Variants in RUNX1T1 observed in about 807,000 individuals in gnomAD.
RUNX1T1 encodes the protein protein CBFA2T1.
In RUNX1T1, 4 loss-of-function variants were observed where a neutral mutation model predicts 62.8. The observed-to-expected ratio is 0.06, with a 90% CI of 0.03 to 0.15. RUNX1T1 has a LOEUF of 0.15. RUNX1T1 is among the 10% of genes least tolerant of loss of function. RUNX1T1 has a pLI of 1.00. For synonymous variants in RUNX1T1, 291 were observed against 286.0 expected (o/e 1.02, Z -0.18); for missense variants, 508 against 754.3 (o/e 0.67, Z 3.82).
At chr8:92,095,012 C>T (rs1302948695) in intron 1 of RUNX1T1, 2 of 1,528,284 alleles carry the variant, frequency 1.3e-6, no homozygotes, top group East Asian at 4.9e-5. Flanking sequence ...AAGATAAGGC[C>T]CTCCGGTATT....
At chr8:92,018,018 A>G (rs1168802214) in intron 1 of RUNX1T1, among the ~76,000 whole-genome samples, 1 of 152,218 alleles carries the variant, frequency 6.6e-6, no homozygotes, top group Non-Finnish European at 1.5e-5. Flanking sequence ...AAAGCATGAA[A>G]CCAATACTCC....
chr8:91,968,470 G>A (rs768287372), intron 10 of RUNX1T1, among the ~76,000 whole-genome samples: 31 of 152,210 alleles, frequency 2.0e-4, no homozygotes, highest in Non-Finnish European at 3.8e-4. Context: ...AATACTTAAA[G>A]CACAAGGCAA....
At chr8:92,027,130 A>G (rs903449735) in intron 1 of RUNX1T1, among the ~76,000 whole-genome samples, 6 of 92,478 alleles carry the variant, frequency 6.5e-5, no homozygotes, top group African/African-American at 1.3e-4. Context: ...AAAAAAAAAA[A>G]AAAAGAAAAA....
chr8:91,963,569 T>C (rs1287578957), intron 10 of RUNX1T1, among the ~76,000 whole-genome samples: 2 of 152,194 alleles, frequency 1.3e-5, no homozygotes, highest in Admixed American at 6.5e-5. Context: ...GCCTGATCAG[T>C]GGCACTCAGC....
At position 92,048,636 on chromosome 8, in the gene RUNX1T1, A is replaced by C. The variant is rs150815314; in HGVS notation, c.7+13910T>G. Reference sequence around the variant, plus strand: ...AGACAGACAGAACCATATATTTGACACTCAACCTGGTCTTTGGAGGGTGAG... The same window carrying C: ...AGACAGACAGAACCATATATTTGACCCTCAACCTGGTCTTTGGAGGGTGAG... On this transcript the variant is annotated intron_variant, in intron 1 of 10. Coordinates refer to ENST00000396218, the Ensembl canonical transcript of RUNX1T1. Among the ~76,000 whole-genome samples the C allele has an allele frequency of 8.2e-3, 1,249 of 151,974 alleles. 20 individuals carry two copies. The highest frequency in any genetic ancestry group is 0.028 in the African/African-American group (1,176 of 41,436).
chr8:91,958,187 G>A (rs1422428993), downstream of RUNX1T1: 1 of 187,972 alleles, frequency 5.3e-6, no homozygotes, highest in Non-Finnish European at 1.1e-5. Context: ...TCCCAGCCTT[G>A]TAAACTTTGG....
chr8:92,061,117 G>A (rs1044791994), intron 1 of RUNX1T1, among the ~76,000 whole-genome samples: 1 of 152,096 alleles, frequency 6.6e-6, no homozygotes, highest in Non-Finnish European at 1.5e-5. Flanking sequence ...AAGTAGCAAG[G>A]GTCCTAACTA....
At chr8:92,001,708 C>G (rs1207964804) in intron 5 of RUNX1T1, among the ~76,000 whole-genome samples, 10 of 152,060 alleles carry the variant, frequency 6.6e-5, no homozygotes, top group Admixed American at 6.6e-4. Flanking sequence ...ATTTCTTAAG[C>G]AAGAAAAATC....
In RUNX1T1 at chr8:91,970,632, A is replaced by C. The variant is rs747494441; in HGVS notation, c.1458+26T>G. On this transcript the variant is annotated intron_variant, in intron 10 of 10. Transcript: ENST00000396218. ...CTAATGAATGAAAACTATCTTGTTT[A>C]TTTGGAGCTTCCCAAGATGCCTCAC... 11 of 1,564,760 alleles carry C rather than the reference A, an allele frequency of 7.0e-6. No homozygotes were observed. The South Asian group carries it at 1.2e-4, about 17-fold the overall frequency.
At chr8:91,991,928 T>C (rs753143479) in intron 5 of RUNX1T1, 39 bp from the exon 7 acceptor site, 8 of 1,609,912 alleles carry the variant, frequency 5.0e-6, no homozygotes, top group Non-Finnish European at 3.4e-6. Flanking sequence ...TCATCATCTA[T>C]TCAGAAACCA....
At chr8:91,986,208 C>T (rs377594753) in exon 8 of RUNX1T1, 181 of 1,613,850 alleles carry the variant, frequency 1.1e-4, no homozygotes, top group Middle Eastern at 1.6e-4. Flanking sequence ...AAGTCCTCGG[C>T]GTCACTGTAC....
At chr8:92,017,583 A>G (rs1449406886) in intron 1 of RUNX1T1, 3 of 1,417,086 alleles carry the variant, frequency 2.1e-6, no homozygotes, top group Non-Finnish European at 2.8e-6. Context: ...ACTAGGTTAT[A>G]TTATATCCTA....
At chr8:92,014,924 GT>G in intron 2 of RUNX1T1, 104 bp from the exon 4 acceptor site, 6 of 1,171,866 alleles carry the variant, frequency 5.1e-6, no homozygotes, top group Non-Finnish European at 7.1e-6. Flanking sequence ...AGTTTTATAA[GT>G]TTTTAAATGT....
chr8:92,012,002 T>A (rs1822034890), intron 3 of RUNX1T1, among the ~76,000 whole-genome samples: 1 of 152,224 alleles, frequency 6.6e-6, no homozygotes, highest in Admixed American at 6.5e-5. Flanking sequence ...ATAATTCTGA[T>A]GACTGACAAA....
upstream of RUNX1T1, among the ~76,000 whole-genome samples, chr8:92,065,074 G>A (rs1832675862): frequency 6.6e-6 from 1 of 152,074 alleles, no homozygotes; most frequent in Non-Finnish European, 1.5e-5. Flanking sequence ...AATCCATGGA[G>A]GCAAGAAAAG....
chr8:92,063,896 G>A (rs1245850597), upstream of RUNX1T1, among the ~76,000 whole-genome samples: 1 of 152,144 alleles, frequency 6.6e-6, no homozygotes, highest in Non-Finnish European at 1.5e-5. Flanking sequence ...ATTCCACTCA[G>A]GGTCCTCTGA....
chr8:92,054,259 T>G (rs1830674815), intron 1 of RUNX1T1, among the ~76,000 whole-genome samples: 1 of 152,116 alleles, frequency 6.6e-6, no homozygotes, highest in Admixed American at 6.5e-5. Context: ...GGTGGCACAC[T>G]GATAGAGAAG....
At chr8:92,037,192 C>G (rs886286484) in intron 1 of RUNX1T1, among the ~76,000 whole-genome samples, 1 of 152,020 alleles carries the variant, frequency 6.6e-6, no homozygotes, top group African/African-American at 2.4e-5. Flanking sequence ...AATTTATAAC[C>G]CCGTGTCCTG....
At chr8:92,072,743 T>C (rs1030922777) in intron 2 of RUNX1T1, among the ~76,000 whole-genome samples, 2 of 152,246 alleles carry the variant, frequency 1.3e-5, no homozygotes, top group African/African-American at 4.8e-5. Flanking sequence ...AGCCCATTAA[T>C]GCTATCAGAC....
Sources: allele counts gnomAD v4.1 joint callset (sites outside exome capture counted in the v4.1 genomes callset), GRCh38; gene constraint gnomAD v4.1.1; transcripts MANE v1.5; gene names NCBI Gene and HGNC (gene_info 2026-07-23, HGNC 2026-07-21).